PLEKHA6: variants seen among roughly 807,000 people sequenced by gnomAD.
PLEKHA6 encodes the protein pleckstrin homology domain containing A6.
A neutral mutation model predicts 116.7 loss-of-function variants in PLEKHA6; 60 were observed. That is an observed-to-expected ratio of 0.51 (90% confidence interval 0.42 to 0.64). The LOEUF is 0.64. PLEKHA6 is among the 30% of genes least tolerant of loss of function. The pLI is 0.00. For synonymous variants in PLEKHA6, 489 were observed against 556.1 expected (o/e 0.88, Z 1.70); for missense variants, 1,338 against 1,422.7 (o/e 0.94, Z 0.96).
chr1:204,230,257 G>C (rs888040016), intron 18 of PLEKHA6, among the ~76,000 whole-genome samples, 156 bp downstream of exon 18: 11 of 152,218 alleles, frequency 7.2e-5, no homozygotes, highest in Admixed American at 5.9e-4. Flanking sequence ...TCTGCCGATG[G>C]GGGAGAGGAC....
intron 1 of PLEKHA6, among the ~76,000 whole-genome samples, chr1:204,286,148 C>A (rs1391855798): frequency 4.6e-5 from 7 of 152,298 alleles, no homozygotes; most frequent in Non-Finnish European, 7.3e-5. Context: ...TCACAAGAAG[C>A]AGGTGCCAGA....
intron 1 of PLEKHA6, among the ~76,000 whole-genome samples, chr1:204,315,396 T>G (rs1033141051): frequency 1.3e-5 from 2 of 152,186 alleles, no homozygotes; most frequent in African/African-American, 4.8e-5. Flanking sequence ...GTTTTCTAGT[T>G]CAACCTGACT....
intron 1 of PLEKHA6, among the ~76,000 whole-genome samples, chr1:204,295,216 G>T (rs567803501): frequency 6.6e-6 from 1 of 152,206 alleles, no homozygotes; most frequent in East Asian, 1.9e-4. Context: ...TAGGCCAGGC[G>T]CATTGGCTCA....
At chr1:204,283,830 G>C (rs1668892274) in intron 1 of PLEKHA6, among the ~76,000 whole-genome samples, 1 of 152,216 alleles carries the variant, frequency 6.6e-6, no homozygotes, top group African/African-American at 2.4e-5. Context: ...TCTGACAACA[G>C]CTGCCTGGAT....
intron 1 of PLEKHA6, among the ~76,000 whole-genome samples, chr1:204,356,411 C>T (rs1227512459): frequency 1.3e-5 from 2 of 152,000 alleles, no homozygotes; most frequent in Non-Finnish European, 2.9e-5. Context: ...ATCAAAAATA[C>T]ATAAAATTAG....
intron 1 of PLEKHA6, among the ~76,000 whole-genome samples, chr1:204,337,074 A>G (rs1253436960): frequency 6.6e-6 from 1 of 152,236 alleles, no homozygotes; most frequent in Non-Finnish European, 1.5e-5. Context: ...GAACCCTTGG[A>G]GGGAAGGGTA....
At chr1:204,317,012 G>C (rs1671885408) in intron 1 of PLEKHA6, among the ~76,000 whole-genome samples, 1 of 152,152 alleles carries the variant, frequency 6.6e-6, no homozygotes, top group South Asian at 2.1e-4. Flanking sequence ...ACCAGAACTG[G>C]ACATCTGGAG....
chr1:204,360,320 A>G (rs1262219226), upstream of PLEKHA6, among the ~76,000 whole-genome samples: 1 of 151,272 alleles, frequency 6.6e-6, no homozygotes, highest in African/African-American at 2.5e-5. Flanking sequence ...TCTACTCCAG[A>G]GAGGGGCACG....
chr1:204,257,727 T>A lies in PLEKHA6; in HGVS notation c.1150A>T (p.Ser384Cys), dbSNP rs767101119. Reference sequence around the variant, plus strand: ...TTGTCCTCCAGGGCCCAGGGCGGGCTGATCCGATCATAGGCCGGCATGGAA... The same window carrying A: ...TTGTCCTCCAGGGCCCAGGGCGGGCAGATCCGATCATAGGCCGGCATGGAA... ...ICSMPAYDRI[S>C]PPWALEDKRH... The change falls in exon 9 of 23, where the codon AGC becomes TGC. Residue 384 changes from serine to cysteine, a missense_variant. Physicochemically the swap from Ser to Cys is moderately radical, Grantham distance 112. Around this residue, in one of 3 missense-constraint regions of PLEKHA6, gnomAD observed 1,136 missense variants for 1,163.6 expected, o/e 0.98. Coordinates refer to ENST00000272203, the MANE Select transcript of PLEKHA6 (RefSeq NM_014935.5). The surrounding 1 kb of genome is among the most constrained non-coding windows in gnomAD (Gnocchi z 6.5). 9.9e-6 allele frequency: 16 copies of A among 1,613,150 alleles called. No homozygotes were observed. Among genetic ancestry groups the A allele is most frequent in the Non-Finnish European group, 9.3e-6 (11 of 1,179,700 alleles).
chr1:204,357,000 C>A (rs367874429), intron 1 of PLEKHA6, among the ~76,000 whole-genome samples: 2 of 152,228 alleles, frequency 1.3e-5, no homozygotes, highest in African/African-American at 4.8e-5. Context: ...CCTAAATGTC[C>A]AATATAGAAA....
intron 1 of PLEKHA6, among the ~76,000 whole-genome samples, chr1:204,357,581 G>A (rs1490426332): frequency 6.6e-6 from 1 of 152,240 alleles, no homozygotes; most frequent in Non-Finnish European, 1.5e-5. Context: ...TCAGGGGAGT[G>A]CGAATCCTGC....
At chr1:204,313,978 G>T (rs1671759944) in intron 1 of PLEKHA6, among the ~76,000 whole-genome samples, 1 of 152,170 alleles carries the variant, frequency 6.6e-6, no homozygotes, top group South Asian at 2.1e-4. Flanking sequence ...ACAACCCCAG[G>T]GGGTACTATT....
intron 17 of PLEKHA6, among the ~76,000 whole-genome samples, chr1:204,235,961 T>C (rs888477049): frequency 1.3e-5 from 2 of 152,126 alleles, no homozygotes; most frequent in African/African-American, 4.8e-5. Context: ...AACACCTCTG[T>C]TTGCTTCTAG....
intron 1 of PLEKHA6, among the ~76,000 whole-genome samples, chr1:204,303,001 G>A (rs1670965911): frequency 1.3e-5 from 2 of 152,298 alleles, no homozygotes; most frequent in African/African-American, 4.8e-5. Flanking sequence ...CTCCTCAAGT[G>A]GCAGCTATCT....
At chr1:204,230,810 T>C (rs942208113) in intron 17 of PLEKHA6, among the ~76,000 whole-genome samples, 1 of 152,164 alleles carries the variant, frequency 6.6e-6, no homozygotes, top group Non-Finnish European at 1.5e-5. Flanking sequence ...AATCCAATGG[T>C]GTGTCCTCAT....
intron 1 of PLEKHA6, among the ~76,000 whole-genome samples, chr1:204,340,854 G>A (rs1672821256): frequency 6.6e-6 from 1 of 152,216 alleles, no homozygotes; most frequent in Non-Finnish European, 1.5e-5. Flanking sequence ...ACTTACACTG[G>A]CCTTTGGCTA....
rs921283780 is a variant in PLEKHA6, at chr1:204,239,867, C to T, written c.2409+1508G>A. On this transcript the variant is annotated intron_variant, in intron 17 of 22. Transcript: ENST00000272203. The stretch of plus-strand genomic sequence containing the variant: ...AATCAAGGGGTGGAAGTGGAAGTGG[C>T]ACCACTCACCATCACCCCTAGTGAT... Among the ~76,000 whole-genome samples, 43 of 152,156 alleles carry T rather than the reference C, an allele frequency of 2.8e-4. 1 individual carries two copies. The highest frequency in any genetic ancestry group is 2.6e-3 in the Admixed American group (39 of 15,278).
chr1:204,228,549 A>G lies in PLEKHA6; in HGVS notation c.2885+179T>C, dbSNP rs1328566849. Reference sequence around the variant, plus strand: ...GTGCACGAGCCTGGCAGGTCTTAGTAGCACCTGACAGCAGCATCCTTGCCT... The same window carrying G: ...GTGCACGAGCCTGGCAGGTCTTAGTGGCACCTGACAGCAGCATCCTTGCCT... On this transcript the variant is annotated intron_variant, in intron 20 of 22. Coordinates refer to ENST00000272203, the MANE Select transcript of PLEKHA6 (RefSeq NM_014935.5). This position sits in a 1 kb window ranked among gnomAD's most constrained non-coding sequence, Gnocchi z 4.0. Among the ~76,000 whole-genome samples the G allele has an allele frequency of 6.6e-6, 1 of 152,108 alleles. No individual in the cohort carries two copies. Among genetic ancestry groups the G allele is most frequent in the Non-Finnish European group, 1.5e-5 (1 of 68,012 alleles).
chr1:204,372,294 C>T (rs1306596190), intron 1 of PLEKHA6, among the ~76,000 whole-genome samples: 2 of 152,210 alleles, frequency 1.3e-5, no homozygotes, highest in African/African-American at 4.8e-5. Flanking sequence ...TGATACCTCA[C>T]ACCCAGCAAG....
Sources: gnomAD v4.1 joint callset for allele counts (sites outside exome capture counted in the v4.1 genomes callset) on GRCh38, gnomAD v4.1.1 for gene constraint, gnomAD v4.1.1 regional missense constraint, Gnocchi (gnomAD v3.1) non-coding constraint, MANE v1.5 for transcripts, NCBI Gene and HGNC (gene_info 2026-07-23, HGNC 2026-07-21) for gene names.